The following KIAA1217 variants were observed in gnomAD, a reference collection of about 807,000 sequenced individuals.
KIAA1217 encodes KIAA1217.
A neutral mutation model predicts 163.9 loss-of-function variants in KIAA1217; 88 were observed. The ratio of observed to expected loss-of-function variants is 0.54; its 90% CI spans 0.45 to 0.64. The LOEUF is 0.64. KIAA1217 is among the 30% of genes least tolerant of loss of function. The pLI, the probability that KIAA1217 is intolerant of heterozygous loss-of-function variation, is 0.00. For synonymous variants in KIAA1217, 903 were observed against 923.1 expected, an observed-to-expected ratio of 0.98 and a Z score of 0.39; for missense variants, 2,372 against 2,475.0, an observed-to-expected ratio of 0.96 and a Z score of 0.88.
chr10:24,263,891 C>T (rs2075954999), intron 2 of KIAA1217, among the ~76,000 whole-genome samples: 2 of 152,096 alleles, frequency 1.3e-5, no homozygotes, highest in Non-Finnish European at 2.9e-5. Context: ...GAATCTCGCT[C>T]TGTCAACCCA....
At chr10:24,247,298 A>G (rs1340563420) in intron 2 of KIAA1217, among the ~76,000 whole-genome samples, 1 of 151,724 alleles carries the variant, frequency 6.6e-6, no homozygotes, top group African/African-American at 2.4e-5. Context: ...AGTTTTTTAA[A>G]TTTCTTTTTA....
intron 12 of KIAA1217, among the ~76,000 whole-genome samples, chr10:24,522,637 C>A (rs2134636072): frequency 6.6e-6 from 1 of 152,302 alleles, no homozygotes; most frequent in South Asian, 2.1e-4. Flanking sequence ...AATTTCACTG[C>A]AAAGAAAATT....
intron 2 of KIAA1217, among the ~76,000 whole-genome samples, chr10:24,104,603 T>C (rs887515733): frequency 4.6e-5 from 7 of 152,194 alleles, no homozygotes; most frequent in African/African-American, 1.7e-4. Context: ...CAGGTAATCA[T>C]ACATTTGTCA....
intron 1 of KIAA1217, among the ~76,000 whole-genome samples, chr10:23,775,470 C>G (rs997228481): frequency 6.6e-6 from 1 of 152,116 alleles, no homozygotes; most frequent in Non-Finnish European, 1.5e-5. Flanking sequence ...GGAGGTGTCT[C>G]TTAAGACACC....
At chr10:24,189,961 C>T (rs1039001322) in intron 2 of KIAA1217, among the ~76,000 whole-genome samples, 1 of 150,714 alleles carries the variant, frequency 6.6e-6, no homozygotes, top group Non-Finnish European at 1.5e-5. Flanking sequence ...TTCAAGGCTG[C>T]AGTGAGCTGT....
intron 13 of KIAA1217, among the ~76,000 whole-genome samples, chr10:24,527,308 A>G (rs2072342002): frequency 6.7e-6 from 1 of 149,492 alleles, no homozygotes; most frequent in Non-Finnish European, 1.5e-5. Flanking sequence ...CTCAATTTAA[A>G]AAAATTTTAG....
intron 6 of KIAA1217, among the ~76,000 whole-genome samples, chr10:24,480,403 T>C (rs1339463579): frequency 6.6e-6 from 1 of 152,212 alleles, no homozygotes; most frequent in Admixed American, 6.5e-5. Flanking sequence ...GTCAATCTGC[T>C]CATCAACCAG....
intron 2 of KIAA1217, among the ~76,000 whole-genome samples, chr10:24,097,634 G>T (rs774567741): frequency 1.3e-5 from 2 of 152,174 alleles, no homozygotes; most frequent in African/African-American, 4.8e-5. Flanking sequence ...AAGAAGAAAA[G>T]AACTGGGTTT....
intron 2 of KIAA1217, among the ~76,000 whole-genome samples, chr10:24,065,886 A>C (rs576895696): frequency 2.8e-4 from 42 of 151,872 alleles, no homozygotes; most frequent in African/African-American, 5.3e-4. Flanking sequence ...GATCCCTTTA[A>C]CATTATGTAA....
intron 2 of KIAA1217, among the ~76,000 whole-genome samples, chr10:24,274,829 G>T (rs1023499318): frequency 2.0e-5 from 3 of 152,050 alleles, no homozygotes; most frequent in African/African-American, 7.2e-5. Flanking sequence ...TTTGTGTAAG[G>T]TGTATCACAG....
chr10:24,191,284 A>T (rs1248938414), intron 2 of KIAA1217, among the ~76,000 whole-genome samples: 4 of 152,220 alleles, frequency 2.6e-5, no homozygotes, highest in Non-Finnish European at 4.4e-5. Flanking sequence ...TGCATTCCTG[A>T]CTATTAATCT....
chr10:24,511,931 C>G (rs2069234398), intron 9 of KIAA1217, among the ~76,000 whole-genome samples: 1 of 152,122 alleles, frequency 6.6e-6, no homozygotes, highest in African/African-American at 2.4e-5. Flanking sequence ...GTCTCCATGA[C>G]CAACCTACGA....
At chr10:24,457,352 G>T (rs1350639392) in intron 5 of KIAA1217, among the ~76,000 whole-genome samples, 1 of 151,682 alleles carries the variant, frequency 6.6e-6, no homozygotes. Context: ...TTTTGTGTGT[G>T]TGTGTGTGTG....
chr10:24,427,931 A>C (rs1004224560), intron 3 of KIAA1217, among the ~76,000 whole-genome samples: 2 of 152,196 alleles, frequency 1.3e-5, no homozygotes, highest in African/African-American at 4.8e-5. Context: ...TGAAAAGACT[A>C]TTCTGTTTGC....
rs1431052189 is a variant in KIAA1217, at chr10:23,855,527, C to T, written c.-320-151698C>T. Among the ~76,000 whole-genome samples, 3 of 152,102 alleles carry T rather than the reference C, an allele frequency of 2.0e-5. No homozygotes were observed. In the East Asian group the frequency reaches 5.8e-4, roughly 29 times the overall value. On this transcript the variant is annotated intron_variant, in intron 1 of 18. Coordinates refer to the KIAA1217 transcript ENST00000376462. Reference sequence around the variant, plus strand: ...CTCTTCTCGAGGAGTATCTTTGCGGCATTCTCTGTATTTCCTGAATCTGAA... The same window carrying T: ...CTCTTCTCGAGGAGTATCTTTGCGGTATTCTCTGTATTTCCTGAATCTGAA...
chr10:24,378,331 A>G (rs766842497), intron 2 of KIAA1217, among the ~76,000 whole-genome samples: 3 of 152,158 alleles, frequency 2.0e-5, no homozygotes, highest in Non-Finnish European at 4.4e-5. Flanking sequence ...GTTCAGTCCA[A>G]TCAGGAAAGA....
chr10:24,185,211 T>C (rs2066365918), intron 2 of KIAA1217, among the ~76,000 whole-genome samples: 1 of 152,154 alleles, frequency 6.6e-6, no homozygotes, highest in Non-Finnish European at 1.5e-5. Flanking sequence ...ACACTTCTAC[T>C]ACATAAGTAG....
At chr10:24,102,045 A>T (rs963563825) in intron 2 of KIAA1217, among the ~76,000 whole-genome samples, 1 of 152,220 alleles carries the variant, frequency 6.6e-6, no homozygotes, top group South Asian at 2.1e-4. Context: ...TGGTACGTGA[A>T]TTATATCCCA....
chr10:24,167,395 G>T (rs148985350), intron 2 of KIAA1217, among the ~76,000 whole-genome samples: 60 of 152,122 alleles, frequency 3.9e-4, no homozygotes, highest in African/African-American at 1.4e-3. Context: ...ATTCAAAGGT[G>T]TCATAGCATT....
Sources: gnomAD v4.1 joint callset for allele counts (sites outside exome capture counted in the v4.1 genomes callset) on GRCh38, gnomAD v4.1.1 for gene constraint, MANE v1.5 for transcripts, NCBI Gene and HGNC (gene_info 2026-07-23, HGNC 2026-07-21) for gene names.